Variants in MRPL48 observed in about 807,000 individuals in gnomAD.
MRPL48 encodes large ribosomal subunit protein mL48.
MRPL48 carries 16 observed loss-of-function variants against 32.9 expected under a neutral mutation model. The ratio of observed to expected loss-of-function variants is 0.49; its 90% CI spans 0.33 to 0.74. MRPL48 has a LOEUF of 0.74. Ranked by LOEUF, MRPL48 falls within the 30% of genes least tolerant of loss-of-function variation. The pLI is 0.02. For synonymous variants in MRPL48, 94 were observed against 89.2 expected (o/e 1.05, Z -0.31); for missense variants, 206 against 245.3 (o/e 0.84, Z 1.07).
intron 3 of MRPL48, among the ~76,000 whole-genome samples, chr11:73,822,618 A>G (rs1947803374): frequency 6.6e-6 from 1 of 152,206 alleles, no homozygotes; most frequent in South Asian, 2.1e-4. Flanking sequence ...TATCTCTGAT[A>G]GGCCTCACAC....
At chr11:73,854,578 T>C (rs1948456114) in intron 5 of MRPL48, among the ~76,000 whole-genome samples, 1 of 152,206 alleles carries the variant, frequency 6.6e-6, no homozygotes, top group Non-Finnish European at 1.5e-5. Context: ...TGAGCCACCG[T>C]GCCTGGCCTA....
chr11:73,826,026 AT>A (rs935163519), intron 4 of MRPL48, among the ~76,000 whole-genome samples: 2 of 150,724 alleles, frequency 1.3e-5, no homozygotes, highest in African/African-American at 4.9e-5. Flanking sequence ...TTTTATTTTT[AT>A]TTTTTTTTGA....
At chr11:73,814,576 T>A (rs1040406983) in intron 3 of MRPL48, among the ~76,000 whole-genome samples, 1 of 150,742 alleles carries the variant, frequency 6.6e-6, no homozygotes, top group Admixed American at 6.6e-5. Context: ...ATGCCTGTAA[T>A]CCCAGCTACT....
At chr11:73,800,638 G>A (rs994717786) in intron 1 of MRPL48, among the ~76,000 whole-genome samples, 6 of 152,070 alleles carry the variant, frequency 3.9e-5, no homozygotes, top group Middle Eastern at 3.2e-3. Flanking sequence ...TTCATTTGCT[G>A]ATGGGGAGGA....
At chr11:73,859,345 A>C (rs182158780) in intron 5 of MRPL48, among the ~76,000 whole-genome samples, 1 of 150,426 alleles carries the variant, frequency 6.6e-6, no homozygotes, top group East Asian at 2.0e-4. Context: ...GCAGTGGCGC[A>C]ATCTTGGCTC....
In MRPL48 at chr11:73,835,987, G is replaced by A. The variant is rs1296776298; in HGVS notation, c.202-8820G>A. Among the ~76,000 whole-genome samples, 7 of 152,036 alleles carry A rather than the reference G, an allele frequency of 4.6e-5. No homozygotes were observed. In the South Asian group the frequency reaches 6.3e-4, roughly 14 times the overall value. ...GTCTCACTGTCGCCCAGGTTGGAGT[G>A]CAGTGGCGCGATCTTGGCTCACTGC... On this transcript the variant is annotated intron_variant, in intron 4 of 7. Transcript: ENST00000310614.
chr11:73,801,140 T>C (rs1472670212), intron 1 of MRPL48, among the ~76,000 whole-genome samples: 1 of 152,200 alleles, frequency 6.6e-6, no homozygotes, highest in African/African-American at 2.4e-5. Context: ...GCCTGGCTTT[T>C]AGATAATTAA....
chr11:73,825,322 G>A (rs992347959), intron 3 of MRPL48, among the ~76,000 whole-genome samples: 52 of 134,830 alleles, frequency 3.9e-4, no homozygotes, highest in Non-Finnish European at 5.7e-4. Context: ...GTGTGTGTGT[G>A]TATACATATT....
intron 1 of MRPL48, among the ~76,000 whole-genome samples, chr11:73,795,140 T>G (rs988081512): frequency 1.3e-5 from 2 of 152,138 alleles, no homozygotes; most frequent in Middle Eastern, 3.4e-3. Flanking sequence ...GGTTTTGAAC[T>G]CCTGAGCTCA....
At chr11:73,821,520 C>G (rs1947782175) in intron 3 of MRPL48, among the ~76,000 whole-genome samples, 1 of 152,176 alleles carries the variant, frequency 6.6e-6, no homozygotes, top group South Asian at 2.1e-4. Flanking sequence ...TTAAAATTAT[C>G]TCTGGCTCTT....
intron 1 of MRPL48, among the ~76,000 whole-genome samples, chr11:73,793,680 C>T (rs905497824): frequency 1.3e-5 from 2 of 151,742 alleles, no homozygotes; most frequent in African/African-American, 2.4e-5. Flanking sequence ...GTGTAGATTA[C>T]GGGAGAGTAT....
At chr11:73,792,098 A>G (rs1399102189) in intron 1 of MRPL48, among the ~76,000 whole-genome samples, 2 of 152,174 alleles carry the variant, frequency 1.3e-5, no homozygotes, top group African/African-American at 4.8e-5. Context: ...CAGCTTTGCT[A>G]GAATAAAACT....
chr11:73,833,208 G>A (rs895343587), intron 4 of MRPL48, among the ~76,000 whole-genome samples: 12 of 151,868 alleles, frequency 7.9e-5, no homozygotes, highest in African/African-American at 2.7e-4. Context: ...TCCTCTGGCA[G>A]TATCTAGTTG....
At chr11:73,849,091 G>A (rs956900285) in intron 5 of MRPL48, among the ~76,000 whole-genome samples, 4 of 151,796 alleles carry the variant, frequency 2.6e-5, no homozygotes, top group Non-Finnish European at 5.9e-5. Context: ...CCAAGTGCTA[G>A]GATTACAGGC....
intron 3 of MRPL48, chr11:73,822,863 T>G (rs1947808188): frequency 3.0e-6 from 1 of 335,186 alleles, no homozygotes; most frequent in South Asian, 2.3e-5. Flanking sequence ...TCACCTGAGC[T>G]CTGTCTCCTC....
At chr11:73,849,898 G>A (rs1047858545) in intron 5 of MRPL48, among the ~76,000 whole-genome samples, 4 of 152,184 alleles carry the variant, frequency 2.6e-5, no homozygotes, top group Non-Finnish European at 4.4e-5. Flanking sequence ...AGGAGTTTGA[G>A]ACCAGCCTGG....
intron 3 of MRPL48, among the ~76,000 whole-genome samples, chr11:73,822,736 C>T (rs1023141496): frequency 1.2e-4 from 18 of 152,112 alleles, no homozygotes; most frequent in African/African-American, 2.9e-4. Context: ...TGGACCAGTA[C>T]GTGGTCTGTG....
At chr11:73,790,102 C>T (rs1181049272) in intron 1 of MRPL48, among the ~76,000 whole-genome samples, 1 of 143,350 alleles carries the variant, frequency 7.0e-6, no homozygotes, top group African/African-American at 2.6e-5. Flanking sequence ...CAGAGTCTCC[C>T]TCTGTCGCCC....
At chr11:73,860,086 A>G (rs1948559315) in intron 6 of MRPL48, 77 bp downstream of exon 6, 11 of 1,232,966 alleles carry the variant, frequency 8.9e-6, no homozygotes, top group Non-Finnish European at 1.3e-5. Context: ...ACTTTCTATT[A>G]TGCTCTTTTC....
Sources: gnomAD v4.1 joint callset for allele counts (sites outside exome capture counted in the v4.1 genomes callset) on GRCh38, gnomAD v4.1.1 for gene constraint, MANE v1.5 for transcripts, NCBI Gene and HGNC (gene_info 2026-07-23, HGNC 2026-07-21) for gene names.